The following SYT14 variants were observed in gnomAD, a reference collection of about 807,000 sequenced individuals.
SYT14 encodes synaptotagmin 14.
In SYT14, 32 loss-of-function variants were observed where a neutral mutation model predicts 74.2. That is an observed-to-expected ratio of 0.43 (90% CI 0.33 to 0.58). SYT14 has a LOEUF of 0.58. Among genes scored for constraint, SYT14 ranks in the 20% least tolerant of loss-of-function variants. The pLI, the probability that SYT14 is intolerant of heterozygous loss-of-function variation, is 0.05. For synonymous variants in SYT14, 298 were observed against 337.7 expected (o/e 0.88, Z 1.29); for missense variants, 791 against 981.8 (o/e 0.81, Z 2.60).
At chr1:210,041,996 T>G (rs2080799581) in intron 5 of SYT14, among the ~76,000 whole-genome samples, 1 of 152,028 alleles carries the variant, frequency 6.6e-6, no homozygotes, top group Non-Finnish European at 1.5e-5. Flanking sequence ...CAAGCGTTGC[T>G]TAGTGATAGG....
At chr1:210,151,425 G>A (rs2083155733) in intron 7 of SYT14, among the ~76,000 whole-genome samples, 1 of 151,494 alleles carries the variant, frequency 6.6e-6, no homozygotes, top group Non-Finnish European at 1.5e-5. Flanking sequence ...TCGCTATGTT[G>A]CCCAGGCTGC....
intron 2 of SYT14, among the ~76,000 whole-genome samples, chr1:209,971,073 G>T (rs2079246938): frequency 1.3e-5 from 2 of 152,200 alleles, no homozygotes; most frequent in South Asian, 4.1e-4. Flanking sequence ...AGCAGTGTTT[G>T]GTAGTTCCTC....
chr1:210,077,582 G>A (rs2081528108), intron 5 of SYT14, among the ~76,000 whole-genome samples: 2 of 152,122 alleles, frequency 1.3e-5, no homozygotes, highest in African/African-American at 4.8e-5. Context: ...GTGGATACAT[G>A]TTTTTATCTC....
At chr1:210,117,244 A>G (rs1231190058) in intron 7 of SYT14, among the ~76,000 whole-genome samples, 1 of 152,126 alleles carries the variant, frequency 6.6e-6, no homozygotes, top group Non-Finnish European at 1.5e-5. Context: ...TTTGATGTTT[A>G]TACTGTTATT....
At chr1:210,001,565 G>A (rs578080302) in intron 2 of SYT14, among the ~76,000 whole-genome samples, 27 of 152,120 alleles carry the variant, frequency 1.8e-4, no homozygotes, top group Non-Finnish European at 3.5e-4. Flanking sequence ...CTTTTGAAGC[G>A]TACATGCTAG....
intron 7 of SYT14, among the ~76,000 whole-genome samples, chr1:210,102,713 T>A (rs2082089588): frequency 6.6e-6 from 1 of 152,034 alleles, no homozygotes; most frequent in Admixed American, 6.6e-5. Flanking sequence ...CTGGGAAAAG[T>A]CAGGGTCACC....
At chr1:210,040,916 C>T (rs1417201410) in intron 5 of SYT14, among the ~76,000 whole-genome samples, 9 of 152,172 alleles carry the variant, frequency 5.9e-5, no homozygotes, top group African/African-American at 2.2e-4. Flanking sequence ...CTGTCTCCAG[C>T]CCCAGATAGC....
chr1:210,150,140 C>T (rs1410450517), intron 7 of SYT14, among the ~76,000 whole-genome samples: 3 of 152,132 alleles, frequency 2.0e-5, no homozygotes, highest in Non-Finnish European at 1.5e-5. Flanking sequence ...TCCTCTTTCC[C>T]ATGACACTCA....
At chr1:210,164,032 T>C (rs746720440) in exon 10 of SYT14, 1 of 453,626 alleles carries the variant, frequency 2.2e-6, no homozygotes, top group South Asian at 1.6e-5. Context: ...CCTGGAATTA[T>C]GGGGTTTATT....
At chr1:210,059,447 T>TAGAG (rs1466056446) in intron 5 of SYT14, among the ~76,000 whole-genome samples, 1,143 of 94,550 alleles carry the variant, frequency 0.012, 11 homozygotes, top group Non-Finnish European at 0.017. Context: ...TATATATATA[T>TAGAG]ATATAGAGAG....
intron 5 of SYT14, among the ~76,000 whole-genome samples, chr1:210,060,887 A>G (rs2081196038): frequency 6.6e-6 from 1 of 152,030 alleles, no homozygotes; most frequent in Non-Finnish European, 1.5e-5. Context: ...GATTTGATCA[A>G]CAGCGTTATC....
At chr1:209,986,095 T>C (rs1333514392) in intron 2 of SYT14, among the ~76,000 whole-genome samples, 1 of 152,224 alleles carries the variant, frequency 6.6e-6, no homozygotes, top group East Asian at 1.9e-4. Context: ...CAAATTTCTC[T>C]AGGAAGTGGT....
chr1:210,019,200 G>A (rs1287433473), intron 4 of SYT14, among the ~76,000 whole-genome samples: 1 of 150,356 alleles, frequency 6.7e-6, no homozygotes, highest in African/African-American at 2.4e-5. Flanking sequence ...GTTATGTTAG[G>A]TAATGTTTTT....
At chr1:210,000,440 CTTAT>C (rs781082546) in intron 2 of SYT14, among the ~76,000 whole-genome samples, 57 of 146,430 alleles carry the variant, frequency 3.9e-4, no homozygotes, top group Non-Finnish European at 6.8e-4. Flanking sequence ...GTATGTTCAT[CTTAT>C]TTTAGTCCTT....
chr1:210,156,908 G>A, intron 8 of SYT14: 1 of 386,712 alleles, frequency 2.6e-6, no homozygotes, highest in South Asian at 1.9e-5. Context: ...TGATCAAGCT[G>A]GTCGCAAGCT....
At chr1:210,098,174 C>CAAA (rs879873358) in intron 6 of SYT14, among the ~76,000 whole-genome samples, 1 of 120,008 alleles carries the variant, frequency 8.3e-6, no homozygotes, top group Admixed American at 8.5e-5. Flanking sequence ...GACCCTGTGT[C>CAAA]AAAAAAAAAA....
chr1:210,098,947 G>A (rs929092345), intron 6 of SYT14, among the ~76,000 whole-genome samples: 8 of 152,078 alleles, frequency 5.3e-5, no homozygotes, highest in Admixed American at 2.0e-4. Flanking sequence ...GCCTGCCTCA[G>A]CTCCCCAAAT....
chr1:210,170,400 G>A (rs2083512609), exon 10 of SYT14: 1 of 151,832 alleles, frequency 6.6e-6, no homozygotes, highest in South Asian at 2.1e-4. Flanking sequence ...TTTCTACTAT[G>A]TATACACCGA....
At chr1:210,163,810 T>C (rs1052594927) in exon 10 of SYT14, 6 of 453,692 alleles carry the variant, frequency 1.3e-5, no homozygotes, top group African/African-American at 1.0e-4. Flanking sequence ...TGCTTCTTTG[T>C]GTGCTTGAAT....
Sources: allele counts gnomAD v4.1 joint callset (sites outside exome capture counted in the v4.1 genomes callset), GRCh38; gene constraint gnomAD v4.1.1; transcripts MANE v1.5; gene names NCBI Gene and HGNC (gene_info 2026-07-23, HGNC 2026-07-21).